The following RASSF4 variants were observed in gnomAD, a reference collection of about 807,000 sequenced individuals.
RASSF4 encodes the protein ras association domain-containing protein 4.
Under a neutral mutation model 41.1 loss-of-function variants are expected in RASSF4, and 38 were observed. The observed-to-expected ratio is 0.92, with a 90% CI of 0.71 to 1.21. The LOEUF is 1.21. Among genes scored for constraint, RASSF4 ranks in the 50% most tolerant of loss-of-function variants. The pLI, the probability that RASSF4 is intolerant of heterozygous loss-of-function variation, is 0.00. For missense variants in RASSF4, 414 were observed against 419.4 expected (o/e 0.99, Z 0.11); for synonymous variants, 179 against 163.4 (o/e 1.10, Z -0.73).
At chr10:44,989,975 G>T (rs376464421) in intron 8 of RASSF4, among the ~76,000 whole-genome samples, 1 of 152,226 alleles carries the variant, frequency 6.6e-6, no homozygotes, top group Non-Finnish European at 1.5e-5. Context: ...AATGTCCTTG[G>T]ATTTTCTAGG....
intron 3 of RASSF4, among the ~76,000 whole-genome samples, chr10:44,975,290 C>T (rs74875700): frequency 6.6e-6 from 1 of 152,160 alleles, no homozygotes; most frequent in African/African-American, 2.4e-5. Context: ...TCTCCGAAGG[C>T]CTGGCAGACC....
At chr10:44,975,243 A>C (rs1427573444) in intron 3 of RASSF4, among the ~76,000 whole-genome samples, 1 of 152,092 alleles carries the variant, frequency 6.6e-6, no homozygotes, top group Non-Finnish European at 1.5e-5. Flanking sequence ...GGGTGCGGAA[A>C]ACCAGCATCC....
chr10:44,986,411 C>G (rs1841923069), intron 6 of RASSF4, among the ~76,000 whole-genome samples: 1 of 152,212 alleles, frequency 6.6e-6, no homozygotes, highest in African/African-American at 2.4e-5. Context: ...TTCATCGCAG[C>G]CTCTCATTTC....
At chr10:44,979,222 G>A (rs1387788765) in intron 3 of RASSF4, among the ~76,000 whole-genome samples, 1 of 152,192 alleles carries the variant, frequency 6.6e-6, no homozygotes, top group African/African-American at 2.4e-5. Context: ...AGCTGAGGCT[G>A]GGTCCCTAGG....
At chr10:44,986,943 A>G (rs1841940186) in intron 6 of RASSF4, among the ~76,000 whole-genome samples, 1 of 152,204 alleles carries the variant, frequency 6.6e-6, no homozygotes, top group Non-Finnish European at 1.5e-5. Context: ...GTTCTGTTAG[A>G]GAGAAACCAT....
intron 1 of RASSF4, among the ~76,000 whole-genome samples, 183 bp downstream of exon 1, chr10:44,960,049 C>T (rs1398924534): frequency 6.6e-6 from 1 of 152,242 alleles, no homozygotes; most frequent in Non-Finnish European, 1.5e-5. Context: ...AGAGGGGGCA[C>T]TGCGCCTGGC....
At chr10:44,982,194 C>T (rs1841734818) in intron 3 of RASSF4, 7 of 365,328 alleles carry the variant, frequency 1.9e-5, no homozygotes, top group South Asian at 1.4e-4. Context: ...AGCAGACAGG[C>T]TGTGCGTCCC....
At chr10:44,962,772 G>C (rs993272233) in intron 1 of RASSF4, among the ~76,000 whole-genome samples, 8 of 152,242 alleles carry the variant, frequency 5.3e-5, no homozygotes, top group African/African-American at 1.9e-4. Context: ...GGAAGTTGAG[G>C]AGTGGTTCAG....
intron 4 of RASSF4, 141 bp from the exon 5 acceptor site, chr10:44,983,881 T>C: frequency 7.0e-7 from 1 of 1,425,774 alleles, no homozygotes. Flanking sequence ...CTGACTCTCT[T>C]GGTTTGAAAT....
At chr10:44,987,035 G>C (rs960583240) in intron 6 of RASSF4, among the ~76,000 whole-genome samples, 4 of 152,130 alleles carry the variant, frequency 2.6e-5, no homozygotes, top group Non-Finnish European at 5.9e-5. Flanking sequence ...AAAAGGCTTC[G>C]TGCAGAAGAA....
chr10:44,978,508 G>A (rs1397256558), intron 3 of RASSF4: 2 of 153,800 alleles, frequency 1.3e-5, no homozygotes, highest in Non-Finnish European at 2.9e-5. Flanking sequence ...AGACAGCCCT[G>A]GTCTCTAACC....
chr10:44,962,174 C>T (rs1159559805), intron 1 of RASSF4, among the ~76,000 whole-genome samples: 2 of 152,198 alleles, frequency 1.3e-5, no homozygotes, highest in African/African-American at 4.8e-5. Context: ...CGGCGCAACA[C>T]GCTAGGATCA....
At position 44,989,395 on chromosome 10, in the gene RASSF4, G is replaced by T. The variant is rs1317823605; in HGVS notation, c.633+20G>T. The T allele has an allele frequency of 6.4e-7, 1 of 1,554,302 alleles. No homozygotes were observed. The highest frequency in any genetic ancestry group is 1.7e-5 in the Admixed American group (1 of 59,588). ...TTTAGGGTAAGCCTGGTCAGGAGCA[G>T]CCTTGCCCCAGGATGCCAGTGGTCT... is the stretch of plus-strand genomic sequence containing the variant. On this transcript the variant is annotated intron_variant, in intron 7 of 10. Transcript: ENST00000340258.
At chr10:44,972,749 G>A (rs883733) in intron 3 of RASSF4, among the ~76,000 whole-genome samples, 100,548 of 151,848 alleles carry the variant, frequency 0.66, 33,613 homozygotes, top group Non-Finnish European at 0.69. Context: ...TTATCGTGGT[G>A]AGGCTGTTTT....
intron 3 of RASSF4, among the ~76,000 whole-genome samples, chr10:44,978,418 T>C (rs540696104): frequency 3.0e-4 from 45 of 152,288 alleles, no homozygotes; most frequent in African/African-American, 1.0e-3. Flanking sequence ...AAAACAGGGT[T>C]ATAAATACCC....
In RASSF4 at chr10:44,994,270, C is replaced by A. The variant is rs903129805; in HGVS notation, c.*941C>A. 1.3e-5 allele frequency: 2 copies of A among 152,658 alleles called. No individual in the cohort carries two copies. Among genetic ancestry groups the A allele is most frequent in the Non-Finnish European group, 2.9e-5 (2 of 68,052 alleles). The allele number at this position is 152,658 out of a possible 1,614,324, so 9.5% of individuals were successfully genotyped here. On this transcript the variant is annotated 3_prime_UTR_variant, in exon 11 of 11. Coordinates refer to ENST00000340258, the MANE Select transcript of RASSF4 (RefSeq NM_032023.4). The stretch of plus-strand genomic sequence containing the variant: ...GAAAGGGCTTTGAATTCCCCAGATA[C>A]TGAACAATTTGTGTTTGTGACTGAT...
At position 44,970,181 on chromosome 10, in the gene RASSF4, C is replaced by A; in HGVS notation, c.-22C>A. The A allele has an allele frequency of 6.2e-7, 1 of 1,609,814 alleles. No homozygotes were observed. Among genetic ancestry groups the A allele is most frequent in the South Asian group, 1.1e-5 (1 of 90,968 alleles). Reference sequence around the variant, plus strand: ...TCTTCCCAGCAAGTAACTTCTAGGTCTGCAGACAAGAGGAAGAGAAGATGA... The same window carrying A: ...TCTTCCCAGCAAGTAACTTCTAGGTATGCAGACAAGAGGAAGAGAAGATGA... On this transcript the variant is annotated 5_prime_UTR_variant, in exon 2 of 11. In the 5' UTR this introduces an upstream ATG that the reference lacks. Transcript: ENST00000340258.
chr10:44,986,187 G>A (rs184619281), intron 6 of RASSF4, among the ~76,000 whole-genome samples: 1 of 152,178 alleles, frequency 6.6e-6, no homozygotes, highest in African/African-American at 2.4e-5. Context: ...CCAAAAAAAG[G>A]GTGGGGGCAG....
intron 9 of RASSF4, chr10:44,991,282 T>C (rs1056414198): frequency 4.6e-6 from 2 of 436,466 alleles, no homozygotes; most frequent in Admixed American, 3.7e-5. Flanking sequence ...GAAAGAAGAA[T>C]TTGGGTCCTA....
Sources: gnomAD v4.1 joint callset for allele counts (sites outside exome capture counted in the v4.1 genomes callset) on GRCh38, gnomAD v4.1.1 for gene constraint, MANE v1.5 for transcripts, NCBI Gene and HGNC (gene_info 2026-07-23, HGNC 2026-07-21) for gene names.